Variants in SDAD1 observed in about 807,000 individuals in gnomAD.
SDAD1 encodes the protein protein SDA1 homolog.
A neutral mutation model predicts 100.3 loss-of-function variants in SDAD1; 79 were observed. The observed-to-expected ratio is 0.79, with a 90% CI of 0.66 to 0.95. The LOEUF (loss-of-function observed/expected upper bound fraction) is 0.95, where lower values mean the gene tolerates loss of function less well. Ranked by LOEUF, SDAD1 falls within the 40% of genes least tolerant of loss-of-function variation. The pLI, the probability that SDAD1 is intolerant of heterozygous loss-of-function variation, is 0.00. For synonymous variants in SDAD1, 267 were observed against 271.4 expected, an observed-to-expected ratio of 0.98 and a Z score of 0.16; for missense variants, 790 against 810.9, an observed-to-expected ratio of 0.97 and a Z score of 0.31.
At chr4:75,958,851 C>G (rs4859575) in intron 17 of SDAD1, among the ~76,000 whole-genome samples, 3 of 150,950 alleles carry the variant, frequency 2.0e-5, no homozygotes, top group Non-Finnish European at 4.4e-5. Flanking sequence ...TAATCCCAGC[C>G]CTTTGGGAGG....
At chr4:75,988,457 A>G (rs1731031567) in intron 1 of SDAD1, among the ~76,000 whole-genome samples, 1 of 152,186 alleles carries the variant, frequency 6.6e-6, no homozygotes, top group Non-Finnish European at 1.5e-5. Flanking sequence ...TCACTCAAAG[A>G]TTACTATCTC....
chr4:75,976,152 CA>C, intron 4 of SDAD1, among the ~76,000 whole-genome samples, 157 bp from the exon 5 acceptor site: 1 of 152,228 alleles, frequency 6.6e-6, no homozygotes, highest in African/African-American at 2.4e-5. Flanking sequence ...AACAAAAAAG[CA>C]ACTACAAAGC....
At chr4:75,973,599 T>C (rs1336398921) in intron 7 of SDAD1, among the ~76,000 whole-genome samples, 1 of 152,208 alleles carries the variant, frequency 6.6e-6, no homozygotes, top group African/African-American at 2.4e-5. Context: ...TAAAAACTGC[T>C]AGGCTCTATA....
In SDAD1 at chr4:75,967,259, T is replaced by C. The variant is rs200602729; in HGVS notation, c.1045+18A>G. The C allele has an allele frequency of 2.5e-5, 40 of 1,612,274 alleles. 1 individual carries two copies. The African/African-American group carries it at 3.7e-4, about 15-fold the overall frequency. ...TATTACCAAGGCCACCAAAGAAACA[T>C]GGCAAGTGGCAGCTTACCTCTTTGG... On this transcript the variant is annotated intron_variant, in intron 12 of 21. Coordinates refer to ENST00000356260, the MANE Select transcript of SDAD1 (RefSeq NM_018115.4).
rs375225256 is a variant in SDAD1, at chr4:75,966,267, TACACACACACACACACACAC to T, written c.1046-465_1046-446del. Among the ~76,000 whole-genome samples the T allele has an allele frequency of 1.0e-2, 1,389 of 139,280 alleles. 19 individuals are homozygous for T. The highest frequency in any genetic ancestry group is 0.035 in the African/African-American group (1,339 of 38,206). The allele number at this position is 139,280 out of a possible 152,430, so 91.4% of individuals were successfully genotyped here. On this transcript the variant is annotated intron_variant, in intron 12 of 21. Transcript: ENST00000356260. ...AATAAATACTTGCTGAATGAATGCA[TACACACACACACACACACAC>T]ACACACACACACACACACACACACA...
intron 7 of SDAD1, 47 bp downstream of exon 7, chr4:75,974,029 C>G: frequency 6.6e-7 from 1 of 1,524,532 alleles, no homozygotes. Context: ...CATGCAGAAG[C>G]AGACCATCCA....
intron 1 of SDAD1, among the ~76,000 whole-genome samples, chr4:75,988,356 C>A (rs767814674): frequency 4.6e-5 from 7 of 152,164 alleles, no homozygotes; most frequent in African/African-American, 1.7e-4. Flanking sequence ...ACCAGGCATA[C>A]CTACCCCAAG....
At chr4:75,983,491 G>A (rs925920124) in intron 1 of SDAD1, among the ~76,000 whole-genome samples, 2 of 152,188 alleles carry the variant, frequency 1.3e-5, no homozygotes, top group African/African-American at 4.8e-5. Context: ...CATTCTAACT[G>A]GCGTGAGATG....
intron 3 of SDAD1, among the ~76,000 whole-genome samples, chr4:75,978,814 C>CA (rs766028798): frequency 1.5e-3 from 197 of 129,306 alleles, no homozygotes; most frequent in East Asian, 3.1e-3. Flanking sequence ...TGTCTCTACA[C>CA]AAAAAAAAAA....
At chr4:75,967,184 G>C in intron 12 of SDAD1, 93 bp downstream of exon 12, 1 of 1,166,986 alleles carries the variant, frequency 8.6e-7, no homozygotes, top group Non-Finnish European at 1.3e-6. Context: ...AGAGCACACT[G>C]CACTCCTGTC....
rs375225256 is a variant in SDAD1, at chr4:75,966,267, TACACACACACACACACACACACACAC to T, written c.1046-471_1046-446del. 3.6e-5 allele frequency among the ~76,000 whole-genome samples: 5 copies of T among 139,286 alleles called. No individual in the cohort carries two copies. In the South Asian group the frequency reaches 7.5e-4, roughly 21 times the overall value. 91.4% of individuals were successfully genotyped at this position (139,286 alleles called of 152,430 possible). Reference sequence around the variant, plus strand: ...AATAAATACTTGCTGAATGAATGCATACACACACACACACACACACACACACACACACACACACACACACACTGTCT... The same window carrying T: ...AATAAATACTTGCTGAATGAATGCATACACACACACACACACACACTGTCT... On this transcript the variant is annotated intron_variant, in intron 12 of 21. Transcript: ENST00000356260.
rs1728579053 is a variant in SDAD1, at chr4:75,950,646, T to C, written c.*104A>G. The C allele has an allele frequency of 1.4e-6, 1 of 729,062 alleles. No homozygotes were observed. The highest frequency in any genetic ancestry group is 2.2e-6 in the Non-Finnish European group (1 of 447,908). 45.2% of individuals were successfully genotyped at this position (729,062 alleles called of 1,614,324 possible). A position where few individuals can be genotyped will look rare whatever the true frequency, so the allele number is the denominator to read the frequency against. On this transcript the variant is annotated 3_prime_UTR_variant, in exon 22 of 22. Transcript: ENST00000356260. ...ATGTTCAGCAGTTTTCACAATACAGTGTGTCTGGACTTTTTAATGTAAACA... is the reference window on the plus strand; with the variant it reads ...ATGTTCAGCAGTTTTCACAATACAGCGTGTCTGGACTTTTTAATGTAAACA...
intron 17 of SDAD1, among the ~76,000 whole-genome samples, 157 bp downstream of exon 17, chr4:75,959,909 T>C (rs1318089849): frequency 6.6e-6 from 1 of 152,198 alleles, no homozygotes; most frequent in East Asian, 1.9e-4. Flanking sequence ...GGAGGAACCA[T>C]GCTCAATTGA....
chr4:75,959,476 C>T (rs983402051), intron 17 of SDAD1, among the ~76,000 whole-genome samples: 2 of 152,028 alleles, frequency 1.3e-5, no homozygotes, highest in Admixed American at 6.6e-5. Flanking sequence ...TGGCTGCACA[C>T]GCCTGTAATC....
intron 6 of SDAD1, 101 bp downstream of exon 6, chr4:75,975,643 T>A (rs1229195519): frequency 6.7e-6 from 5 of 751,180 alleles, no homozygotes; most frequent in Admixed American, 4.9e-5. Context: ...ATAAGTATAT[T>A]AAAGAGCTCA....
At chr4:75,962,685 C>G (rs939044814) in intron 14 of SDAD1, among the ~76,000 whole-genome samples, 1 of 152,218 alleles carries the variant, frequency 6.6e-6, no homozygotes, top group African/African-American at 2.4e-5. Context: ...CTTTAGGCTA[C>G]ATAAATGTCT....
chr4:75,955,188 TTA>T (rs1728821902), intron 21 of SDAD1, among the ~76,000 whole-genome samples: 1 of 152,228 alleles, frequency 6.6e-6, no homozygotes, highest in Non-Finnish European at 1.5e-5. Context: ...CATACCAATG[TTA>T]TGTTAAAGAA....
chr4:75,961,620 G>A (rs562881196), intron 14 of SDAD1, among the ~76,000 whole-genome samples: 2 of 152,152 alleles, frequency 1.3e-5, no homozygotes, highest in African/African-American at 4.8e-5. Flanking sequence ...AAAGTCTTTA[G>A]GGCTATTATC....
rs919527445 is a variant in SDAD1 at position 75,957,684 on chromosome 4, T to C, written c.1603A>G (p.Met535Val). The C allele has an allele frequency of 1.9e-6, 3 of 1,614,242 alleles. No individual in the cohort carries two copies. The highest frequency in any genetic ancestry group is 1.7e-6 in the Non-Finnish European group (2 of 1,180,044). ...GCAGCTTTGGCCTTCCGCTCCTCCA[T>C]GGGCATGCTGTTCAGCTTCTTGGAC... ...EISKKLNSMP[M>V]EERKAKAAAI... Residue 535 changes from methionine to valine, a missense_variant, in exon 19 of 22, where the codon ATG becomes GTG. Transcript: ENST00000356260.
Sources: allele counts gnomAD v4.1 joint callset (sites outside exome capture counted in the v4.1 genomes callset), GRCh38; gene constraint gnomAD v4.1.1; transcripts MANE v1.5; gene names NCBI Gene and HGNC (gene_info 2026-07-23, HGNC 2026-07-21).